Variants in CNBD1 observed in about 807,000 individuals in gnomAD.
CNBD1 encodes the protein cyclic nucleotide binding domain containing 1, also known as cyclic nucleotide-binding domain-containing protein 1.
CNBD1 carries 71 observed loss-of-function variants against 54.4 expected under a neutral mutation model. That is an observed-to-expected ratio of 1.30 (90% CI 1.08 to 1.59). CNBD1 has a LOEUF of 1.59. Ranked by LOEUF, CNBD1 falls within the 40% of genes most tolerant of loss-of-function variation. CNBD1 has a pLI of 0.00. For synonymous variants in CNBD1, 182 were observed against 170.7 expected (o/e 1.07, Z -0.51); for missense variants, 659 against 518.0 (o/e 1.27, Z -2.64).
intron 2 of CNBD1, among the ~76,000 whole-genome samples, chr8:87,413,622 T>A (rs372927827): frequency 9.9e-5 from 15 of 152,216 alleles, no homozygotes; most frequent in South Asian, 2.1e-4. Flanking sequence ...AACCTACTCA[T>A]CTGACAAAGG....
chr8:87,125,336 A>G (rs1054856889), intron 4 of CNBD1, among the ~76,000 whole-genome samples: 21 of 151,972 alleles, frequency 1.4e-4, no homozygotes, highest in African/African-American at 5.1e-4. Context: ...AATCTTGAGC[A>G]AAAAGAACAA....
At chr8:86,885,081 T>A (rs1434527739) in intron 1 of CNBD1, among the ~76,000 whole-genome samples, 1 of 152,214 alleles carries the variant, frequency 6.6e-6, no homozygotes, top group African/African-American at 2.4e-5. Context: ...TCTTAGCTTT[T>A]TGCAAAGGGT....
rs1470076910 is a variant in CNBD1, at chr8:87,421,722, C to T, written c.214-6824C>T. Among the ~76,000 whole-genome samples, 1,013 of 150,132 alleles carry T rather than the reference C, an allele frequency of 6.7e-3. 10 individuals are homozygous for T. Among genetic ancestry groups the T allele is most frequent in the African/African-American group, 0.023 (947 of 40,574 alleles). On this transcript the variant is annotated intron_variant, in intron 2 of 7. Transcript: ENST00000521593. ...CAAGTCTTTGCTATTGTGAATAATGCCACAATAAACATACGTGTGCATGTG... is the reference window on the plus strand; with the variant it reads ...CAAGTCTTTGCTATTGTGAATAATGTCACAATAAACATACGTGTGCATGTG...
chr8:87,346,693 G>T (rs1294674860), intron 8 of CNBD1, among the ~76,000 whole-genome samples: 3 of 152,202 alleles, frequency 2.0e-5, no homozygotes, highest in South Asian at 4.1e-4. Flanking sequence ...TGCTAATAGA[G>T]CATGTATTTC....
intron 6 of CNBD1, among the ~76,000 whole-genome samples, chr8:87,250,918 A>G (rs903421134): frequency 7.9e-5 from 12 of 152,188 alleles, no homozygotes; most frequent in African/African-American, 2.9e-4. Flanking sequence ...TGGTGGCACA[A>G]TAGGGTGACT....
At chr8:86,959,387 T>G (rs1014364878) in intron 4 of CNBD1, among the ~76,000 whole-genome samples, 1 of 152,194 alleles carries the variant, frequency 6.6e-6, no homozygotes, top group African/African-American at 2.4e-5. Context: ...TGAATTTGAT[T>G]GTTGGCCTGC....
intron 4 of CNBD1, among the ~76,000 whole-genome samples, chr8:87,099,733 G>T (rs922275935): frequency 6.6e-6 from 1 of 152,192 alleles, no homozygotes; most frequent in African/African-American, 2.4e-5. Context: ...ATGTTTGTAT[G>T]ATATAAGGTT....
intron 5 of CNBD1, among the ~76,000 whole-genome samples, chr8:87,215,587 CAAA>C (rs548146567): frequency 1.3e-4 from 8 of 63,534 alleles, no homozygotes; most frequent in Admixed American, 3.5e-4. Context: ...GACTCCTTCT[CAAA>C]AAAAAAAAAA....
At chr8:86,881,042 C>T (rs1046380952) in intron 1 of CNBD1, among the ~76,000 whole-genome samples, 1 of 151,898 alleles carries the variant, frequency 6.6e-6, no homozygotes. Context: ...TGATAAGAAC[C>T]CTATATGAAA....
At chr8:87,213,437 A>G (rs971851599) in intron 5 of CNBD1, among the ~76,000 whole-genome samples, 1 of 152,160 alleles carries the variant, frequency 6.6e-6, no homozygotes, top group South Asian at 2.1e-4. Context: ...CCTCAAAATC[A>G]TGGTGGAGAG....
At chr8:86,979,856 T>G (rs1008536681) in intron 4 of CNBD1, among the ~76,000 whole-genome samples, 3 of 152,180 alleles carry the variant, frequency 2.0e-5, no homozygotes, top group Non-Finnish European at 4.4e-5. Context: ...GAAGAAATGA[T>G]GATATAAGAG....
At chr8:87,000,378 C>T (rs548143499) in intron 4 of CNBD1, among the ~76,000 whole-genome samples, 31 of 152,258 alleles carry the variant, frequency 2.0e-4, no homozygotes, top group African/African-American at 7.2e-4. Flanking sequence ...ATTAATTAAA[C>T]CTATTTTCTT....
intron 10 of CNBD1, among the ~76,000 whole-genome samples, chr8:87,375,409 C>G (rs1563576112): frequency 1.3e-5 from 2 of 151,652 alleles, no homozygotes; most frequent in African/African-American, 4.8e-5. Context: ...ATTTTGTAAA[C>G]TATGTTAGAT....
At chr8:86,949,271 T>G (rs1807545935) in intron 4 of CNBD1, among the ~76,000 whole-genome samples, 1 of 152,208 alleles carries the variant, frequency 6.6e-6, no homozygotes, top group Admixed American at 6.5e-5. Context: ...GGATTATTTT[T>G]TCTCTTTCTG....
At chr8:86,984,040 A>G (rs1808548808) in intron 4 of CNBD1, among the ~76,000 whole-genome samples, 1 of 152,192 alleles carries the variant, frequency 6.6e-6, no homozygotes, top group Non-Finnish European at 1.5e-5. Flanking sequence ...GACTAGGAGA[A>G]AAAAACGGTT....
At chr8:86,979,526 A>T (rs114344469) in intron 4 of CNBD1, among the ~76,000 whole-genome samples, 1 of 151,748 alleles carries the variant, frequency 6.6e-6, no homozygotes, top group South Asian at 2.1e-4. Flanking sequence ...CAAAGTCGAG[A>T]CTGTAGTGAG....
At chr8:87,134,786 T>G (rs934524541) in intron 4 of CNBD1, among the ~76,000 whole-genome samples, 1 of 151,458 alleles carries the variant, frequency 6.6e-6, no homozygotes. Flanking sequence ...TGAATTTTTT[T>G]TTTTTAGTAG....
At chr8:87,148,713 A>T (rs753231416) in intron 4 of CNBD1, among the ~76,000 whole-genome samples, 1 of 152,198 alleles carries the variant, frequency 6.6e-6, no homozygotes, top group Non-Finnish European at 1.5e-5. Context: ...ATGAAGAGGG[A>T]TCTGGATCCA....
intron 8 of CNBD1, among the ~76,000 whole-genome samples, chr8:87,304,781 T>C (rs1809107034): frequency 6.6e-6 from 1 of 152,130 alleles, no homozygotes; most frequent in Non-Finnish European, 1.5e-5. Flanking sequence ...AAAAGCCATG[T>C]ATGACAAACC....
Sources: allele counts gnomAD v4.1 joint callset (sites outside exome capture counted in the v4.1 genomes callset), GRCh38; gene constraint gnomAD v4.1.1; transcripts MANE v1.5; gene names NCBI Gene and HGNC (gene_info 2026-07-23, HGNC 2026-07-21).